KLHL22: variants seen among roughly 807,000 people sequenced by gnomAD.
KLHL22 encodes kelch-like protein 22.
KLHL22 carries 18 observed loss-of-function variants against 60.7 expected under a neutral mutation model. The ratio of observed to expected loss-of-function variants is 0.30; its 90% CI spans 0.20 to 0.44. The LOEUF (loss-of-function observed/expected upper bound fraction) is 0.44, where lower values mean the gene tolerates loss of function less well. Ranked by LOEUF, KLHL22 falls within the 20% of genes least tolerant of loss-of-function variation. The probability of loss-of-function intolerance (pLI) is 1.00; values close to 1 mark genes in which losing one functional copy is unlikely to be tolerated. For missense variants in KLHL22, 596 were observed against 852.3 expected, an observed-to-expected ratio of 0.70 and a Z score of 3.74; for synonymous variants, 355 against 354.5, an observed-to-expected ratio of 1.00 and a Z score of -0.01.
At chr22:20,470,349 T>TA (rs58617703) in intron 3 of KLHL22, among the ~76,000 whole-genome samples, 16,643 of 138,940 alleles carry the variant, frequency 0.12, 1,541 homozygotes, top group East Asian at 0.55. Context: ...ACCCTGTCTT[T>TA]AAAAAAAAAA....
chr22:20,458,688 C>G (rs959773939), intron 4 of KLHL22, among the ~76,000 whole-genome samples: 1 of 151,996 alleles, frequency 6.6e-6, no homozygotes, highest in Non-Finnish European at 1.5e-5. Context: ...CCCCAGCACT[C>G]CATCAGGAGT....
At position 20,451,311 on chromosome 22, in the gene KLHL22, G is replaced by A. The variant is rs1016088371; in HGVS notation, c.1306-4635C>T. On this transcript the variant is annotated intron_variant, in intron 5 of 6. Transcript: ENST00000328879. ...GCAGGCGTCACACCAGTATGGAGCG[G>A]TATGATCCAAACATTGACCAGAGGA... 6.8e-6 allele frequency: 11 copies of A among 1,608,120 alleles called. No homozygotes were observed. In the East Asian group the frequency reaches 2.0e-4, roughly 29 times the overall value.
chr22:20,451,974 A>G (rs1043323163), intron 5 of KLHL22: 6 of 700,864 alleles, frequency 8.6e-6, no homozygotes, highest in Non-Finnish European at 1.2e-5. Context: ...TATTTGACAC[A>G]TACTCCCCCT....
chr22:20,488,325 AC>A (rs2053620265), intron 2 of KLHL22, among the ~76,000 whole-genome samples: 1 of 152,166 alleles, frequency 6.6e-6, no homozygotes, highest in Non-Finnish European at 1.5e-5. Context: ...GGGTGGTGAC[AC>A]CCACCTCCTT....
chr22:20,481,902 C>G (rs75115156), intron 2 of KLHL22: 5,414 of 152,644 alleles, frequency 0.035, 315 homozygotes, highest in African/African-American at 0.12. Flanking sequence ...CCCTGCCCAG[C>G]CCCAAAAGTT....
intron 3 of KLHL22, among the ~76,000 whole-genome samples, chr22:20,469,135 C>T (rs370702083): frequency 1.8e-3 from 275 of 152,170 alleles, no homozygotes; most frequent in Middle Eastern, 6.8e-3. Context: ...GATCTGGTTT[C>T]AGTGTGTGTG....
intron 2 of KLHL22, chr22:20,483,626 C>G (rs1479113344): frequency 4.1e-6 from 3 of 726,248 alleles, no homozygotes; most frequent in Non-Finnish European, 7.7e-6. Context: ...AAGTCATCAG[C>G]AGCAAGACGG....
intron 3 of KLHL22, among the ~76,000 whole-genome samples, chr22:20,469,942 G>A (rs758597221): frequency 2.6e-5 from 4 of 152,174 alleles, no homozygotes; most frequent in South Asian, 2.1e-4. Flanking sequence ...GCCCAGTCCC[G>A]TGTAACTGCA....
chr22:20,494,430 G>C (rs1474156798), intron 1 of KLHL22, among the ~76,000 whole-genome samples: 1 of 151,990 alleles, frequency 6.6e-6, no homozygotes, highest in Non-Finnish European at 1.5e-5. Context: ...GTGTAGGCTA[G>C]AGTGCAGTGG....
At chr22:20,444,601 A>G (rs1207323447) in intron 6 of KLHL22, among the ~76,000 whole-genome samples, 2 of 152,156 alleles carry the variant, frequency 1.3e-5, no homozygotes, top group African/African-American at 2.4e-5. Flanking sequence ...TGTTGCATGA[A>G]CCTAAGGAAA....
At chr22:20,459,408 G>C (rs2053118133) in intron 4 of KLHL22, among the ~76,000 whole-genome samples, 2 of 152,120 alleles carry the variant, frequency 1.3e-5, no homozygotes, top group South Asian at 4.2e-4. Flanking sequence ...CACACACCTG[G>C]GTCTCCCTGA....
chr22:20,484,159 A>C, intron 2 of KLHL22: 1 of 597,484 alleles, frequency 1.7e-6, no homozygotes. Context: ...TGATGACCTA[A>C]TTTTTGTATT....
chr22:20,485,242 G>A (rs1366455983), intron 2 of KLHL22, among the ~76,000 whole-genome samples: 2 of 152,198 alleles, frequency 1.3e-5, no homozygotes, highest in Non-Finnish European at 2.9e-5. Flanking sequence ...TAAGGGTCCA[G>A]GAGGAGAGGA....
intron 2 of KLHL22, among the ~76,000 whole-genome samples, chr22:20,479,552 A>T (rs973319626): frequency 5.3e-5 from 8 of 151,952 alleles, no homozygotes; most frequent in African/African-American, 1.9e-4. Context: ...TAATTTTTTT[A>T]AAAAACTGGC....
chr22:20,482,746 T>C, intron 2 of KLHL22: 2 of 497,204 alleles, frequency 4.0e-6, no homozygotes, highest in Non-Finnish European at 6.5e-6. Context: ...CTAATTTTTG[T>C]ATTTTTTTTT....
chr22:20,492,981 T>C (rs1364619981), intron 1 of KLHL22, among the ~76,000 whole-genome samples: 1 of 152,170 alleles, frequency 6.6e-6, no homozygotes, highest in African/African-American at 2.4e-5. Flanking sequence ...CCCCCATGGC[T>C]GGCTGTACCA....
chr22:20,490,317 T>C (rs1480138606), intron 1 of KLHL22, among the ~76,000 whole-genome samples: 1 of 152,194 alleles, frequency 6.6e-6, no homozygotes, highest in East Asian at 1.9e-4. Context: ...TGTGTGAACA[T>C]CAAAGGGTAC....
intron 4 of KLHL22, among the ~76,000 whole-genome samples, chr22:20,459,240 CAA>C (rs1357987973): frequency 6.6e-6 from 1 of 152,196 alleles, no homozygotes; most frequent in Non-Finnish European, 1.5e-5. Flanking sequence ...AGAGAGTAAC[CAA>C]AGTTTTCTTT....
At chr22:20,482,510 G>A (rs561708867) in intron 2 of KLHL22, among the ~76,000 whole-genome samples, 4 of 152,004 alleles carry the variant, frequency 2.6e-5, no homozygotes, top group South Asian at 2.1e-4. Flanking sequence ...CTCCCACCTC[G>A]GCCTCCCCAG....
Sources: allele counts gnomAD v4.1 joint callset (sites outside exome capture counted in the v4.1 genomes callset), GRCh38; gene constraint gnomAD v4.1.1; transcripts MANE v1.5; gene names NCBI Gene and HGNC (gene_info 2026-07-23, HGNC 2026-07-21).